EMC3: variants seen among roughly 807,000 people sequenced by gnomAD.
EMC3 encodes 30 kDa protein.
Under a neutral mutation model 36.6 loss-of-function variants are expected in EMC3, and 13 were observed. The ratio of observed to expected loss-of-function variants is 0.35; its 90% CI spans 0.23 to 0.56. EMC3 has a LOEUF of 0.56. Among genes scored for constraint, EMC3 ranks in the 20% least tolerant of loss-of-function variants. The pLI is 0.84. For missense variants in EMC3, 220 were observed against 324.5 expected (o/e 0.68, Z 2.47); for synonymous variants, 120 against 111.9 (o/e 1.07, Z -0.46).
At chr3:9,986,881 T>A, upstream of EMC3, 5 of 1,354,444 alleles carry the variant, frequency 3.7e-6, no homozygotes, top group Non-Finnish European at 4.8e-6. Flanking sequence ...CGCACCTCAG[T>A]GGCGTCAGAG....
chr3:9,984,845 T>C (rs2085952889), intron 1 of EMC3, among the ~76,000 whole-genome samples: 1 of 152,246 alleles, frequency 6.6e-6, no homozygotes, highest in Non-Finnish European at 1.5e-5. Flanking sequence ...TGTCACCCTG[T>C]GTGACGCTGT....
At chr3:9,988,227 A>G, upstream of EMC3, 1 of 590,088 alleles carries the variant, frequency 1.7e-6, no homozygotes, top group South Asian at 1.9e-5. Context: ...AATCCCAGGC[A>G]GACTACAGTG....
chr3:10,001,369 G>T (rs1326632684), intron 1 of EMC3, among the ~76,000 whole-genome samples: 1 of 148,162 alleles, frequency 6.7e-6, no homozygotes, highest in African/African-American at 2.5e-5. Context: ...AGACCATCCT[G>T]GCTAACACAG....
chr3:10,002,338 G>C (rs144363352), intron 1 of EMC3, among the ~76,000 whole-genome samples: 1 of 119,806 alleles, frequency 8.3e-6, no homozygotes, highest in Non-Finnish European at 1.9e-5. Context: ...ACACAGGCTA[G>C]AGTACAGTGA....
Position 10,009,197 on chromosome 3 carries a change from A to T in EMC3, c.-242+1826T>A, listed in dbSNP as rs1394690169. The T allele has an allele frequency of 2.0e-5, 3 of 152,250 alleles. No homozygotes were observed. The East Asian group carries it at 5.8e-4, about 30-fold the overall frequency. The allele number at this position is 152,250 out of a possible 1,614,324, so 9.4% of individuals were successfully genotyped here. A position where few individuals can be genotyped will look rare whatever the true frequency, so the allele number is the denominator to read the frequency against. Reference sequence around the variant, plus strand: ...TGGGAGCCACGCCCCCCGCTGCGTCACTGCCACCTGGTCCCGCCCCTGTCT... The same window carrying T: ...TGGGAGCCACGCCCCCCGCTGCGTCTCTGCCACCTGGTCCCGCCCCTGTCT... On this transcript the variant is annotated intron_variant, in intron 1 of 8. Coordinates refer to the EMC3 transcript ENST00000470827.
chr3:9,965,416 CGATAGATAGATA>C (rs57264688), intron 7 of EMC3, among the ~76,000 whole-genome samples: 166 of 145,862 alleles, frequency 1.1e-3, no homozygotes, highest in Middle Eastern at 6.9e-3. Context: ...GTGAGACCCT[CGATAGATAGATA>C]GATAGATAGA....
At chr3:9,987,967 C>A (rs752653754), upstream of EMC3, 4 of 996,916 alleles carry the variant, frequency 4.0e-6, no homozygotes, top group Non-Finnish European at 4.7e-6. Context: ...ATCACTGTTG[C>A]AGGCTTTCCA....
At chr3:9,977,534 C>A in intron 1 of EMC3, 88 bp from the exon 2 acceptor site, 1 of 1,162,608 alleles carries the variant, frequency 8.6e-7, no homozygotes, top group Non-Finnish European at 1.2e-6. Flanking sequence ...TATTTAAACA[C>A]AAGAGAGGGC....
intron 1 of EMC3, chr3:10,008,655 G>A (rs2086290267): frequency 2.7e-6 from 1 of 366,948 alleles, no homozygotes; most frequent in Admixed American, 3.9e-5. Context: ...AGCGAAATCT[G>A]GCCAGGAACA....
chr3:9,995,337 A>T (rs189601488), intron 1 of EMC3, among the ~76,000 whole-genome samples: 1 of 152,192 alleles, frequency 6.6e-6, no homozygotes, highest in African/African-American at 2.4e-5. Context: ...GGTAAAATTT[A>T]ACCCATATGG....
intron 1 of EMC3, among the ~76,000 whole-genome samples, chr3:9,979,942 GA>G (rs1321116416): frequency 6.6e-6 from 1 of 151,578 alleles, no homozygotes; most frequent in African/African-American, 2.4e-5. Flanking sequence ...GAGAACTATA[GA>G]AAATGTGATG....
upstream of EMC3, chr3:9,988,278 T>C (rs2086002851): frequency 1.5e-6 from 1 of 663,978 alleles, no homozygotes; most frequent in Non-Finnish European, 2.8e-6. Flanking sequence ...TGTCATTTAC[T>C]CCAGGGTACA....
chr3:9,976,179 T>G (rs2085848109), intron 3 of EMC3, among the ~76,000 whole-genome samples: 1 of 152,104 alleles, frequency 6.6e-6, no homozygotes, highest in African/African-American at 2.4e-5. Flanking sequence ...TGACCTCAGC[T>G]CACTGCAACC....
At position 9,972,462 on chromosome 3, in the gene EMC3, GAA is replaced by G. The variant is rs34891720; in HGVS notation, c.494+1164_494+1165del. 1.9e-3 allele frequency among the ~76,000 whole-genome samples: 176 copies of G among 90,698 alleles called. 1 individual carries two copies. The highest frequency in any genetic ancestry group is 8.3e-3 in the South Asian group (25 of 3,004). The allele number at this position is 90,698 out of a possible 152,430, so 59.5% of individuals were successfully genotyped here. The stretch of plus-strand genomic sequence containing the variant: ...ATGGCATTTTCAGTGGAGTTTCAAT[GAA>G]AAAAAAAAAAAAAAAAAAAACTCTG... On this transcript the variant is annotated intron_variant, in intron 5 of 7. Coordinates refer to ENST00000245046, the MANE Select transcript of EMC3 (RefSeq NM_001394674.1).
intron 7 of EMC3, chr3:9,968,514 T>C (rs767258724): frequency 1.3e-5 from 2 of 152,238 alleles, no homozygotes; most frequent in Non-Finnish European, 2.9e-5. Flanking sequence ...TGGACAATGA[T>C]GAATAGAAGT....
chr3:10,005,632 G>A lies in EMC3; in HGVS notation c.-242+5391C>T, dbSNP rs1054851334. On this transcript the variant is annotated intron_variant, in intron 1 of 8. Coordinates refer to the EMC3 transcript ENST00000470827. ...TTACTAATGCTGAACGCCAGGAAGT[G>A]TCCTTCACTGTAACTGATGAAAAAT... Among the ~76,000 whole-genome samples the A allele has an allele frequency of 9.9e-5, 15 of 152,150 alleles. 1 individual carries two copies. Among genetic ancestry groups the A allele is most frequent in the Non-Finnish European group, 2.9e-5 (2 of 68,024 alleles).
chr3:9,986,448 C>G (rs1361539337), intron 1 of EMC3, 59 bp downstream of exon 1: 41 of 1,594,384 alleles, frequency 2.6e-5, no homozygotes, highest in Non-Finnish European at 3.3e-5. Flanking sequence ...ACAACTCCTG[C>G]ACTTTTTTGC....
chr3:9,964,619 A>G (rs1442312296), intron 7 of EMC3, among the ~76,000 whole-genome samples: 1 of 152,236 alleles, frequency 6.6e-6, no homozygotes, highest in Admixed American at 6.5e-5. Context: ...GGGACTTGCC[A>G]TCTGGTTTAA....
At chr3:10,001,072 C>T (rs748517330) in intron 1 of EMC3, 13 of 201,380 alleles carry the variant, frequency 6.5e-5, no homozygotes, top group Non-Finnish European at 1.0e-4. Context: ...ATACCATTGC[C>T]GAATCCAAGG....
Sources: gnomAD v4.1 joint callset for allele counts (sites outside exome capture counted in the v4.1 genomes callset) on GRCh38, gnomAD v4.1.1 for gene constraint, MANE v1.5 for transcripts, NCBI Gene and HGNC (gene_info 2026-07-23, HGNC 2026-07-21) for gene names.